MGST1: variants seen among roughly 807,000 people sequenced by gnomAD.
MGST1 encodes the protein microsomal glutathione S-transferase 1.
Under a neutral mutation model 8.9 loss-of-function variants are expected in MGST1, and 5 were observed. The ratio of observed to expected loss-of-function variants is 0.56; its 90% CI spans 0.29 to 1.19. MGST1 has a LOEUF of 1.19. Ranked by LOEUF, MGST1 falls within the 50% of genes most tolerant of loss-of-function variation. The pLI is 0.08. For missense variants in MGST1, 182 were observed against 187.4 expected, an observed-to-expected ratio of 0.97 and a Z score of 0.17; for synonymous variants, 54 against 67.8, an observed-to-expected ratio of 0.80 and a Z score of 1.00.
intron 1 of MGST1, among the ~76,000 whole-genome samples, chr12:16,349,796 G>C (rs1174867831): frequency 2.7e-5 from 4 of 148,202 alleles, no homozygotes; most frequent in African/African-American, 5.0e-5. Flanking sequence ...CCAGGCTGGA[G>C]TGCAGTGGCA....
intron 4 of MGST1, among the ~76,000 whole-genome samples, chr12:16,515,641 A>G (rs1941608258): frequency 6.6e-6 from 1 of 151,672 alleles, no homozygotes; most frequent in Non-Finnish European, 1.5e-5. Flanking sequence ...AGAAAAAAAA[A>G]AAAAAGAAAA....
intron 4 of MGST1, among the ~76,000 whole-genome samples, chr12:16,501,043 T>C (rs1326144655): frequency 1.3e-5 from 2 of 148,934 alleles, no homozygotes; most frequent in African/African-American, 4.9e-5. Flanking sequence ...GAGGCAGAGG[T>C]TGCAGTGAGC....
intron 3 of MGST1, among the ~76,000 whole-genome samples, chr12:16,370,742 A>C (rs1243815875): frequency 6.6e-6 from 1 of 152,150 alleles, no homozygotes; most frequent in Non-Finnish European, 1.5e-5. Flanking sequence ...ATTTCTTCAC[A>C]TTTAAAATGA....
chr12:16,541,131 T>C (rs1348178447), intron 4 of MGST1, among the ~76,000 whole-genome samples: 1 of 152,190 alleles, frequency 6.6e-6, no homozygotes, highest in Non-Finnish European at 1.5e-5. Context: ...AATACTTTCA[T>C]TAAAAAGTCT....
chr12:16,485,302 T>C (rs888200644), intron 4 of MGST1, among the ~76,000 whole-genome samples: 4 of 152,222 alleles, frequency 2.6e-5, no homozygotes, highest in Non-Finnish European at 5.9e-5. Flanking sequence ...GATTTAGAAG[T>C]GTAACGTTCG....
At chr12:16,529,465 A>G (rs1941709182) in intron 4 of MGST1, among the ~76,000 whole-genome samples, 1 of 152,060 alleles carries the variant, frequency 6.6e-6, no homozygotes. Flanking sequence ...CCACCCCTTC[A>G]TCTGGGAGTA....
intron 1 of MGST1, among the ~76,000 whole-genome samples, chr12:16,385,692 C>CTT (rs11290450): frequency 1.4e-5 from 2 of 138,396 alleles, no homozygotes; most frequent in East Asian, 4.2e-4. Context: ...AAAGGGCTTT[C>CTT]TTTTTTTTTT....
At chr12:16,364,493 C>A, downstream of MGST1, 1 of 634,204 alleles carries the variant, frequency 1.6e-6, no homozygotes, top group Non-Finnish European at 2.0e-6. This position sits in a 1 kb window ranked among gnomAD's most constrained non-coding sequence, Gnocchi z 5.7. Flanking sequence ...TACAAAGAAC[C>A]ACTCTGTACC....
At chr12:16,351,122 GT>G (rs1489326355) in intron 1 of MGST1, among the ~76,000 whole-genome samples, 4 of 152,092 alleles carry the variant, frequency 2.6e-5, no homozygotes, top group African/African-American at 9.7e-5. Context: ...TATAGAGAAT[GT>G]TTTAGTTTTA....
At chr12:16,402,663 C>T (rs1940667506) in intron 1 of MGST1, among the ~76,000 whole-genome samples, 1 of 151,808 alleles carries the variant, frequency 6.6e-6, no homozygotes, top group South Asian at 2.1e-4. Flanking sequence ...TGCTTATGTC[C>T]CTTATTAATA....
chr12:16,581,981 T>A (rs1230344786), intron 4 of MGST1, among the ~76,000 whole-genome samples: 1 of 152,152 alleles, frequency 6.6e-6, no homozygotes, highest in Non-Finnish European at 1.5e-5. Flanking sequence ...TTATATTTAT[T>A]TACTTCGTTT....
chr12:16,356,935 A>G (rs1364863195), intron 2 of MGST1, among the ~76,000 whole-genome samples: 1 of 152,198 alleles, frequency 6.6e-6, no homozygotes, highest in East Asian at 1.9e-4. Flanking sequence ...AAATGTTAAT[A>G]CACTTGAGGG....
At chr12:16,419,388 C>G (rs1940814049) in intron 1 of MGST1, among the ~76,000 whole-genome samples, 1 of 152,024 alleles carries the variant, frequency 6.6e-6, no homozygotes, top group Non-Finnish European at 1.5e-5. Context: ...GGTGAAAAGG[C>G]AGATACTGGA....
chr12:16,405,795 A>G (rs2080464), intron 1 of MGST1, among the ~76,000 whole-genome samples: 93,383 of 152,054 alleles, frequency 0.61, 29,843 homozygotes, highest in East Asian at 0.96. Context: ...CACATAAACA[A>G]AACTAAAGAC....
At chr12:16,400,352 G>T in intron 1 of MGST1, 1 of 813,978 alleles carries the variant, frequency 1.2e-6, no homozygotes. Context: ...TTGTCTCCTC[G>T]AACAGATATG....
At chr12:16,572,607 A>G (rs1205633026) in intron 4 of MGST1, among the ~76,000 whole-genome samples, 1 of 149,162 alleles carries the variant, frequency 6.7e-6, no homozygotes, top group Non-Finnish European at 1.5e-5. Context: ...AGGGTGTGTA[A>G]TATCCACGTA....
intron 4 of MGST1, chr12:16,549,877 A>G (rs1941922204): frequency 6.6e-6 from 1 of 152,082 alleles, no homozygotes; most frequent in Non-Finnish European, 1.5e-5. Flanking sequence ...CTATCACGTA[A>G]GGTAGTACTA....
At chr12:16,525,297 C>G (rs12297012) in intron 4 of MGST1, among the ~76,000 whole-genome samples, 1 of 118,416 alleles carries the variant, frequency 8.4e-6, no homozygotes, top group Non-Finnish European at 1.7e-5. Context: ...CCTCCCCCCT[C>G]CCCCCACCCC....
intron 1 of MGST1, among the ~76,000 whole-genome samples, chr12:16,390,279 C>T (rs1940540208): frequency 6.6e-6 from 1 of 151,984 alleles, no homozygotes; most frequent in East Asian, 1.9e-4. Context: ...AAAGCTAACA[C>T]ATGCTACAAA....
Sources: allele counts gnomAD v4.1 joint callset (sites outside exome capture counted in the v4.1 genomes callset), GRCh38; gene constraint gnomAD v4.1.1; non-coding constraint Gnocchi (gnomAD v3.1); transcripts MANE v1.5; gene names NCBI Gene and HGNC (gene_info 2026-07-23, HGNC 2026-07-21).